Variants in CNTN6 observed in about 807,000 individuals in gnomAD.
CNTN6 encodes contactin-6.
Under a neutral mutation model 122.8 loss-of-function variants are expected in CNTN6, and 137 were observed. That is an observed-to-expected ratio of 1.12 (90% CI 0.97 to 1.29). The LOEUF (loss-of-function observed/expected upper bound fraction) is 1.29. Among genes scored for constraint, CNTN6 ranks in the 50% most tolerant of loss-of-function variants. The pLI, the probability that CNTN6 is intolerant of heterozygous loss-of-function variation, is 0.00. For missense variants in CNTN6, 1,634 were observed against 1,223.4 expected (o/e 1.34, Z -5.01); for synonymous variants, 570 against 426.0 (o/e 1.34, Z -4.16).
At chr3:1,297,115 A>T (rs1395713828) in intron 6 of CNTN6, among the ~76,000 whole-genome samples, 4 of 152,178 alleles carry the variant, frequency 2.6e-5, no homozygotes, top group Non-Finnish European at 5.9e-5. Context: ...TTGAATGTTT[A>T]TAATGATCAA....
chr3:1,302,855 GT>G (rs1275145198), intron 7 of CNTN6, among the ~76,000 whole-genome samples: 1 of 151,634 alleles, frequency 6.6e-6, no homozygotes, highest in Non-Finnish European at 1.5e-5. Flanking sequence ...TTATTTGTTT[GT>G]TTTTTTCTCC....
intron 4 of CNTN6, among the ~76,000 whole-genome samples, chr3:1,240,204 C>G (rs2094464939): frequency 6.6e-6 from 1 of 152,076 alleles, no homozygotes; most frequent in South Asian, 2.1e-4. Context: ...TTCTGCACAG[C>G]CAAAGAAATA....
intron 11 of CNTN6, among the ~76,000 whole-genome samples, chr3:1,340,148 G>C (rs1703676492): frequency 6.6e-6 from 1 of 152,104 alleles, no homozygotes; most frequent in Non-Finnish European, 1.5e-5. Context: ...AAAACATTCA[G>C]TTCTGAGAAG....
chr3:1,200,744 C>A (rs2093851774), intron 2 of CNTN6, among the ~76,000 whole-genome samples: 1 of 152,154 alleles, frequency 6.6e-6, no homozygotes, highest in Non-Finnish European at 1.5e-5. Context: ...GTTCCTCATT[C>A]TTTAAGGAGG....
rs977813596 is a variant in CNTN6 at position 1,345,007 on chromosome 3, T to A, written c.1365-7317T>A. 4.6e-5 allele frequency among the ~76,000 whole-genome samples: 7 copies of A among 152,266 alleles called. 1 individual carries two copies. Among genetic ancestry groups the A allele is most frequent in the Non-Finnish European group, 2.9e-5 (2 of 68,020 alleles). On this transcript the variant is annotated intron_variant, in intron 11 of 22. Transcript: ENST00000446702. ...TTTTTCATTTTTACTACATTGATGA[T>A]CTTATAAGGACTGATAAATTAGGTT...
chr3:1,225,116 A>G (rs2125540832), intron 3 of CNTN6, among the ~76,000 whole-genome samples: 1 of 152,332 alleles, frequency 6.6e-6, no homozygotes, highest in African/African-American at 2.4e-5. Context: ...AAGGGTCGAG[A>G]TTTTAGTTCA....
At chr3:1,303,293 T>G (rs1697750932) in intron 7 of CNTN6, among the ~76,000 whole-genome samples, 1 of 152,204 alleles carries the variant, frequency 6.6e-6, no homozygotes. Context: ...TTATCATGGT[T>G]GTTTTGTCTC....
intron 4 of CNTN6, among the ~76,000 whole-genome samples, chr3:1,267,943 CAT>C (rs2094952985): frequency 6.6e-6 from 1 of 151,998 alleles, no homozygotes; most frequent in African/African-American, 2.4e-5. Flanking sequence ...GACTTTCCCA[CAT>C]GAGGATGATT....
intron 4 of CNTN6, among the ~76,000 whole-genome samples, chr3:1,276,938 A>T (rs1465838968): frequency 6.6e-6 from 1 of 152,146 alleles, no homozygotes; most frequent in African/African-American, 2.4e-5. Flanking sequence ...CTCCCATATC[A>T]TTGGCAATTT....
chr3:1,177,234 T>G (rs529097367), intron 2 of CNTN6, among the ~76,000 whole-genome samples: 2 of 152,306 alleles, frequency 1.3e-5, no homozygotes, highest in African/African-American at 4.8e-5. Context: ...ATTTTAAAAC[T>G]CAGATATAAA....
Position 1,148,017 on chromosome 3 carries a change from G to A in CNTN6, c.9G>A (p.Leu3=), listed in dbSNP as rs2092759108. The change falls in exon 2 of 23, where the codon TTG becomes TTA. Residue 3 remains leucine, a synonymous_variant. Transcript: ENST00000446702. MR[L]LWKLVILLPL... ...GACCTTAGAAAGTGGAAATGAGGTT[G>A]CTATGGAAACTGGTAATTCTGCTGC... 6.2e-7 allele frequency: 1 copy of A among 1,607,078 alleles called. No individual in the cohort carries two copies. Among genetic ancestry groups the A allele is most frequent in the African/African-American group, 1.3e-5 (1 of 74,952 alleles).
chr3:1,221,988 G>A (rs2094213548), intron 3 of CNTN6, among the ~76,000 whole-genome samples: 1 of 152,114 alleles, frequency 6.6e-6, no homozygotes, highest in South Asian at 2.1e-4. Context: ...AAATTGTCTA[G>A]ATTAATGAGT....
chr3:1,320,354 TA>T (rs1016262542), intron 7 of CNTN6, among the ~76,000 whole-genome samples: 1 of 151,680 alleles, frequency 6.6e-6, no homozygotes, highest in African/African-American at 2.4e-5. Flanking sequence ...AGGAGGATAA[TA>T]ATTTTTTCCA....
chr3:1,292,815 A>G (rs1355319306), intron 5 of CNTN6, among the ~76,000 whole-genome samples: 1 of 152,126 alleles, frequency 6.6e-6, no homozygotes, highest in Non-Finnish European at 1.5e-5. Context: ...AGAGAGTAAA[A>G]GCCTTTTGTA....
At chr3:1,242,976 A>AG (rs2094507146) in intron 4 of CNTN6, among the ~76,000 whole-genome samples, 1 of 152,148 alleles carries the variant, frequency 6.6e-6, no homozygotes, top group African/African-American at 2.4e-5. Context: ...TTGATTAAGA[A>AG]GGGGACGGAC....
At position 1,185,685 on chromosome 3, in the gene CNTN6, T is replaced by C. The variant is rs141548227; in HGVS notation, c.56-35002T>C. On this transcript the variant is annotated intron_variant, in intron 2 of 22. Coordinates refer to ENST00000446702, the MANE Select transcript of CNTN6 (RefSeq NM_001289080.2). ...GTTAGAAAAGCTACATGTAGCATAG[T>C]AATTGAGAGTACGGACTGAAGACTG... Among the ~76,000 whole-genome samples the C allele has an allele frequency of 5.2e-4, 79 of 152,300 alleles. 1 individual carries two copies. Among genetic ancestry groups the C allele is most frequent in the African/African-American group, 1.8e-3 (76 of 41,578 alleles).
intron 7 of CNTN6, among the ~76,000 whole-genome samples, chr3:1,307,479 A>C (rs1053128018): frequency 1.4e-5 from 2 of 145,708 alleles, no homozygotes; most frequent in South Asian, 2.1e-4. Flanking sequence ...TAACCCCCCC[A>C]CACACAATTT....
intron 12 of CNTN6, among the ~76,000 whole-genome samples, chr3:1,366,675 GC>G (rs1708269053): frequency 6.6e-6 from 1 of 152,118 alleles, no homozygotes; most frequent in Non-Finnish European, 1.5e-5. Flanking sequence ...TAGTGCTGGG[GC>G]TGAGGCTGCA....
intron 4 of CNTN6, among the ~76,000 whole-genome samples, chr3:1,275,618 A>T (rs996824478): frequency 3.9e-5 from 6 of 152,120 alleles, no homozygotes; most frequent in Admixed American, 3.9e-4. Context: ...ATGCTTATAA[A>T]TCCCATTCTT....
Sources: gnomAD v4.1 joint callset for allele counts (sites outside exome capture counted in the v4.1 genomes callset) on GRCh38, gnomAD v4.1.1 for gene constraint, MANE v1.5 for transcripts, NCBI Gene and HGNC (gene_info 2026-07-23, HGNC 2026-07-21) for gene names.